ABCA10: variants seen among roughly 807,000 people sequenced by gnomAD.
ABCA10 encodes ATP-binding cassette sub-family A member 10.
Under a neutral mutation model 187.5 loss-of-function variants are expected in ABCA10, and 169 were observed. The observed-to-expected ratio is 0.90, with a 90% CI of 0.80 to 1.02. The LOEUF (loss-of-function observed/expected upper bound fraction) is 1.02. ABCA10 is among the 50% of genes least tolerant of loss of function. The pLI is 0.00. For missense variants in ABCA10, 1,727 were observed against 1,812.4 expected, an observed-to-expected ratio of 0.95 and a Z score of 0.86; for synonymous variants, 574 against 601.8, an observed-to-expected ratio of 0.95 and a Z score of 0.68.
At position 69,199,945 on chromosome 17, in the gene ABCA10, G is replaced by A. The variant is rs528423583; in HGVS notation, c.1175+1555C>T. Among the ~76,000 whole-genome samples the A allele has an allele frequency of 9.9e-4, 150 of 152,244 alleles. 1 individual carries two copies. Among genetic ancestry groups the A allele is most frequent in the African/African-American group, 3.4e-3 (141 of 41,568 alleles). On this transcript the variant is annotated intron_variant, in intron 10 of 38. Coordinates refer to ENST00000690296, the MANE Select transcript of ABCA10 (RefSeq NM_001377321.1). ...ATAAAAGTTTTCATGCAGGAGATAG[G>A]ACTTGAAAGACTACTAAAAATTATA...
chr17:69,223,682 A>G, intron 3 of ABCA10: 1 of 450,524 alleles, frequency 2.2e-6, no homozygotes. Context: ...AACTTTTATG[A>G]GGACAGTGCT....
At chr17:69,239,379 T>A (rs1465569359) in intron 1 of ABCA10, among the ~76,000 whole-genome samples, 1 of 152,218 alleles carries the variant, frequency 6.6e-6, no homozygotes, top group Non-Finnish European at 1.5e-5. Context: ...GATACATATT[T>A]ATAATTGTAA....
chr17:69,155,780 T>C, intron 29 of ABCA10, 25 bp downstream of exon 29: 1 of 1,604,718 alleles, frequency 6.2e-7, no homozygotes. Flanking sequence ...AGCATTTTAT[T>C]AAGGGTCTAA....
At chr17:69,196,502 G>A (rs533566619) in intron 11 of ABCA10, 26 of 169,944 alleles carry the variant, frequency 1.5e-4, no homozygotes, top group South Asian at 9.7e-4. Flanking sequence ...GATGGTAGCC[G>A]GGAAGAGGCG....
chr17:69,214,407 T>C (rs925360316), intron 9 of ABCA10, among the ~76,000 whole-genome samples: 10 of 150,020 alleles, frequency 6.7e-5, no homozygotes, highest in East Asian at 2.0e-4. Context: ...CCCAGCTACT[T>C]GGGAGGCTGA....
intron 9 of ABCA10, among the ~76,000 whole-genome samples, chr17:69,206,867 T>G (rs2074595889): frequency 6.6e-6 from 1 of 152,106 alleles, no homozygotes; most frequent in African/African-American, 2.4e-5. Flanking sequence ...GGGCAATGAT[T>G]TTTTTGGATA....
rs182768419 is a variant in ABCA10 at position 69,148,059 on chromosome 17, C to A, written c.*768G>T. ...GAAATAAACTTGCATATAACCCGAACGTAACAACTCTGGTATTACATCAAT... is the reference window on the plus strand; with the variant it reads ...GAAATAAACTTGCATATAACCCGAAAGTAACAACTCTGGTATTACATCAAT... On this transcript the variant is annotated 3_prime_UTR_variant, in exon 39 of 39. Transcript: ENST00000690296. 1 of 152,036 alleles carries A rather than the reference C, an allele frequency of 6.6e-6. No individual in the cohort carries two copies. Among genetic ancestry groups the A allele is most frequent in the African/African-American group, 2.4e-5 (1 of 41,402 alleles). The allele number at this position is 152,036 out of a possible 1,614,324, so 9.4% of individuals were successfully genotyped here. A position where few individuals can be genotyped will look rare whatever the true frequency, so the allele number is the denominator to read the frequency against.
chr17:69,152,482 CTAAAGA>C lies in ABCA10; in HGVS notation c.4137-7_4137-2del, dbSNP rs1348867012. On this transcript the variant is annotated splice_acceptor_variant and splice_polypyrimidine_tract_variant and intron_variant, in intron 34 of 38. Transcript: ENST00000690296. LOFTEE classifies it high-confidence loss of function. ...TTTAACGGTAGCCTGAAGTATCTGC[CTAAAGA>C]TAAAGTAAGGGATTGTTTGCATTTA... 8 of 1,607,588 alleles carry C rather than the reference CTAAAGA, an allele frequency of 5.0e-6. No homozygotes were observed. Among genetic ancestry groups the C allele is most frequent in the East Asian group, 2.2e-5 (1 of 44,816 alleles).
Position 69,191,273 on chromosome 17 carries a change from G to T in ABCA10, c.1914C>A (p.Ser638=). 1 of 1,602,302 alleles carries T rather than the reference G, an allele frequency of 6.2e-7. No homozygotes were observed. The highest frequency in any genetic ancestry group is 8.5e-7 in the Non-Finnish European group (1 of 1,173,118). Residue 638 remains serine (S), a synonymous_variant, in exon 17 of 39, where the codon TCC becomes TCA. Coordinates refer to ENST00000690296, the MANE Select transcript of ABCA10 (RefSeq NM_001377321.1). ...NEMCDTEKIT[S]LIKQHIPDAK... ...CATCAGGAATGTGCTGCTTAATAAG[G>T]GATGTGATTTTTTCTGTGTCACACA...
chr17:69,202,320 T>C (rs1025903192), intron 9 of ABCA10, among the ~76,000 whole-genome samples: 2 of 152,112 alleles, frequency 1.3e-5, no homozygotes, highest in Non-Finnish European at 2.9e-5. Context: ...ATATATTATT[T>C]TGATAATATA....
chr17:69,187,554 ACAG>A, intron 19 of ABCA10, 124 bp downstream of exon 19: 1 of 1,012,594 alleles, frequency 9.9e-7, no homozygotes, highest in African/African-American at 1.6e-5. Flanking sequence ...TTCCTCAGTA[ACAG>A]CAGGATAGGT....
upstream of ABCA10, chr17:69,233,021 T>A (rs2074841740): frequency 6.6e-6 from 1 of 152,180 alleles, no homozygotes; most frequent in Non-Finnish European, 1.5e-5. Flanking sequence ...CAAAGTTTGA[T>A]TATAATATAT....
intron 17 of ABCA10, 67 bp downstream of exon 17, chr17:69,191,109 A>G: frequency 7.6e-7 from 1 of 1,324,188 alleles, no homozygotes; most frequent in South Asian, 2.3e-5. Flanking sequence ...TCATAGAACA[A>G]CAGAAAATGC....
intron 4 of ABCA10, 108 bp downstream of exon 4, chr17:69,222,425 T>C: frequency 1.1e-6 from 1 of 930,010 alleles, no homozygotes. Flanking sequence ...CAGAGGGAAA[T>C]GTATATTAAT....
Position 69,177,806 on chromosome 17 carries a change from A to G in ABCA10, c.2770-2293T>C, listed in dbSNP as rs369589946. Among the ~76,000 whole-genome samples, 3 of 150,784 alleles carry G rather than the reference A, an allele frequency of 2.0e-5. No individual in the cohort carries two copies. The East Asian group carries it at 5.9e-4, about 29-fold the overall frequency. ...CCATCTCTACTAAAAATACAAAAAAATTAGCCGGGTATGGTGGTGCATGCC... is the reference window on the plus strand; with the variant it reads ...CCATCTCTACTAAAAATACAAAAAAGTTAGCCGGGTATGGTGGTGCATGCC... On this transcript the variant is annotated intron_variant, in intron 22 of 38. Coordinates refer to ENST00000690296, the MANE Select transcript of ABCA10 (RefSeq NM_001377321.1).
chr17:69,153,494 G>A lies in ABCA10; in HGVS notation c.4018C>T (p.Leu1340=). ...QEQLKAPVKT[L]SEGIKRKLCF... ...ACCTTTCTCTTTATTCCCTCTGATA[G>A]AGTTTTCACAGGAGCCTTAAGTTGT... is the stretch of plus-strand genomic sequence containing the variant. Residue 1340 remains leucine, a synonymous_variant, in exon 33 of 39, where the codon CTA becomes TTA. Transcript: ENST00000690296. 8 of 1,614,146 alleles carry A rather than the reference G, an allele frequency of 5.0e-6. No homozygotes were observed. Among genetic ancestry groups the A allele is most frequent in the Non-Finnish European group, 6.8e-6 (8 of 1,180,020 alleles).
At chr17:69,172,058 G>A (rs1388348791) in intron 25 of ABCA10, among the ~76,000 whole-genome samples, 1 of 150,882 alleles carries the variant, frequency 6.6e-6, no homozygotes, top group South Asian at 2.1e-4. Context: ...TTCTTAAAAT[G>A]TTAATAAAAA....
chr17:69,194,285 C>A, intron 12 of ABCA10, 100 bp downstream of exon 12: 1 of 995,180 alleles, frequency 1.0e-6, no homozygotes, highest in Non-Finnish European at 1.5e-6. Flanking sequence ...AATTATTCAA[C>A]TGTGTAACAA....
intron 5 of ABCA10, among the ~76,000 whole-genome samples, chr17:69,221,132 A>G (rs1412136597): frequency 6.6e-6 from 1 of 152,196 alleles, no homozygotes; most frequent in African/African-American, 2.4e-5. Context: ...TAAGTTGGCA[A>G]GAAGACTGAG....
Sources: gnomAD v4.1 joint callset for allele counts (sites outside exome capture counted in the v4.1 genomes callset) on GRCh38, gnomAD v4.1.1 for gene constraint, MANE v1.5 for transcripts, NCBI Gene and HGNC (gene_info 2026-07-23, HGNC 2026-07-21) for gene names.